The following CCDC22 variants were observed in gnomAD, a reference collection of about 807,000 sequenced individuals.
CCDC22 encodes the protein CCC complex scaffolding subunit CCDC22.
CCDC22 carries 4 observed loss-of-function variants against 53.1 expected under a neutral mutation model. That is an observed-to-expected ratio of 0.08 (90% CI 0.04 to 0.17). The LOEUF (loss-of-function observed/expected upper bound fraction) is 0.17, where lower values mean the gene tolerates loss of function less well. Ranked by LOEUF, CCDC22 falls within the 10% of genes least tolerant of loss-of-function variation. The pLI, the probability that CCDC22 is intolerant of heterozygous loss-of-function variation, is 1.00. For missense variants in CCDC22, 458 were observed against 554.0 expected, an observed-to-expected ratio of 0.83 and a Z score of 1.74; for synonymous variants, 222 against 224.4, an observed-to-expected ratio of 0.99 and a Z score of 0.10.
rs868939480 is a variant in CCDC22 at position 49,248,872 on chromosome X, G to A, written c.1487G>A (p.Arg496His). 1.1e-5 allele frequency: 13 copies of A among 1,210,753 alleles called. No individual in the cohort carries two copies. The highest frequency in any genetic ancestry group is 1.5e-5 in the Non-Finnish European group (13 of 895,229). Residue 496 changes from arginine (R) to histidine (H), a missense_variant, in exon 13 of 17, where the codon CGC becomes CAC. By Grantham distance (29) the Arg-to-His change is conservative. Coordinates refer to ENST00000376227, the MANE Select transcript of CCDC22 (RefSeq NM_014008.5). Reference protein sequence around the residue: ...RDVSRLAYTQRILEIVGNIRK... With the variant: ...RDVSRLAYTQHILEIVGNIRK... ...GTGTCCCGGCTGGCCTACACCCAGC[G>A]CATCCTGGAGATCGTGGGCAACATC...
intron 6 of CCDC22, 149 bp from the exon 7 acceptor site, chrX:49,246,582 G>C: frequency 4.6e-6 from 2 of 432,389 alleles, no homozygotes; most frequent in Non-Finnish European, 3.9e-6. Context: ...TGGAGCAGGA[G>C]AGTAGAGCAG....
chrX:49,249,964 G>C (rs2066016947), intron 16 of CCDC22, among the ~76,000 whole-genome samples, 184 bp from the exon 17 acceptor site: 2 of 112,817 alleles, frequency 1.8e-5, no homozygotes, highest in South Asian at 7.2e-4. Flanking sequence ...GATGTAGGGG[G>C]AATCCTGCCA....
At chrX:49,235,826 TACACACACAC>T (rs797042658) in intron 1 of CCDC22, 140 bp downstream of exon 1, 85 of 243,274 alleles carry the variant, frequency 3.5e-4, no homozygotes, top group African/African-American at 2.5e-3. Flanking sequence ...CTCACCCCCT[TACACACACAC>T]ACACACACAC....
At chrX:49,249,615 G>GGGGT in intron 15 of CCDC22, 36 bp from the exon 16 acceptor site, 2 of 406,828 alleles carry the variant, frequency 4.9e-6, no homozygotes, top group Non-Finnish European at 4.5e-6. Flanking sequence ...GGGTGGGTGG[G>GGGGT]ACTGGGTGCA....
At position 49,246,778 on chromosome X, in the gene CCDC22, G is replaced by A. The variant is rs782623267; in HGVS notation, c.762G>A (p.Glu254=). Reference sequence around the variant, plus strand: ...AGCGGCTGCAAAAGCAACTGACTGAGCATCTGCGCCAAAGCTGGGGCCTGC... The same window carrying A: ...AGCGGCTGCAAAAGCAACTGACTGAACATCTGCGCCAAAGCTGGGGCCTGC... ...QRQRLQKQLT[E]HLRQSWGLLG... Residue 254 remains glutamate, a synonymous_variant, in exon 7 of 17, where the codon GAG becomes GAA. Transcript: ENST00000376227. The A allele has an allele frequency of 8.4e-7, 1 of 1,185,245 alleles. No individual in the cohort carries two copies. The highest frequency in any genetic ancestry group is 1.9e-5 in the South Asian group (1 of 52,946).
At chrX:49,241,486 C>CA (rs386416987) in intron 2 of CCDC22, among the ~76,000 whole-genome samples, 1,641 of 66,587 alleles carry the variant, frequency 0.025, 46 homozygotes, top group African/African-American at 0.079. Flanking sequence ...GACCCTGTCT[C>CA]AAAAAAAAAA....
At chrX:49,248,976 G>A in intron 13 of CCDC22, 52 bp downstream of exon 13, 1 of 1,184,739 alleles carries the variant, frequency 8.4e-7, no homozygotes, top group Non-Finnish European at 1.1e-6. Flanking sequence ...CAGGCATAGT[G>A]TGGCCGCACA....
chrX:49,236,006 A>G (rs1215941659), intron 1 of CCDC22, among the ~76,000 whole-genome samples: 1 of 108,570 alleles, frequency 9.2e-6, no homozygotes, highest in African/African-American at 3.4e-5. Flanking sequence ...GGAACCCTGT[A>G]ATCTGGGGAA....
intron 3 of CCDC22, among the ~76,000 whole-genome samples, 198 bp from the exon 4 acceptor site, chrX:49,242,688 G>A (rs2065969823): frequency 9.0e-6 from 1 of 111,197 alleles, no homozygotes. Flanking sequence ...TTTGTTCCAC[G>A]AAGTAGCCCT....
intron 2 of CCDC22, among the ~76,000 whole-genome samples, chrX:49,239,602 CTG>C (rs1341010217): frequency 1.8e-5 from 2 of 110,371 alleles, no homozygotes; most frequent in Non-Finnish European, 3.8e-5. Flanking sequence ...TATGCAGTCT[CTG>C]TCTCTTAGCA....
At chrX:49,239,088 C>T (rs781812648) in intron 2 of CCDC22, among the ~76,000 whole-genome samples, 43 of 111,235 alleles carry the variant, frequency 3.9e-4, no homozygotes, top group Non-Finnish European at 6.0e-4. Context: ...CAGCAATTCT[C>T]CTGCCTCAGC....
Position 49,247,688 on chromosome X carries a change from C to A in CCDC22, c.1012C>A (p.Arg338=). Residue 338 remains arginine (R), a synonymous_variant, in exon 9 of 17, where the codon CGG becomes AGG. Coordinates refer to ENST00000376227, the MANE Select transcript of CCDC22 (RefSeq NM_014008.5). ...TCAGGAACAGGAGCTCGAGTCCCTTCGGGAGCAGCTGGAAGGAGTGAACCG... is the reference window on the plus strand; with the variant it reads ...TCAGGAACAGGAGCTCGAGTCCCTTAGGGAGCAGCTGGAAGGAGTGAACCG... ...AAQEQELESL[R]EQLEGVNRSI... 1 of 1,204,273 alleles carries A rather than the reference C, an allele frequency of 8.3e-7. No homozygotes were observed. The highest frequency in any genetic ancestry group is 1.8e-5 in the South Asian group (1 of 55,681).
At chrX:49,235,857 ACACACACG>A (rs1280376973) in intron 1 of CCDC22, among the ~76,000 whole-genome samples, 171 bp downstream of exon 1, 10 of 103,907 alleles carry the variant, frequency 9.6e-5, no homozygotes, top group African/African-American at 2.8e-4. Flanking sequence ...ACACACACAC[ACACACACG>A]CACACACACA....
chrX:49,237,830 G>T (rs997597905), intron 2 of CCDC22, among the ~76,000 whole-genome samples: 1 of 104,972 alleles, frequency 9.5e-6, no homozygotes, highest in Non-Finnish European at 2.0e-5. Context: ...TGCGATCTTG[G>T]CTCACTGCAA....
intron 2 of CCDC22, 44 bp from the exon 3 acceptor site, chrX:49,241,972 G>C: frequency 8.3e-7 from 1 of 1,204,989 alleles, no homozygotes; most frequent in Non-Finnish European, 1.1e-6. Context: ...TCCCAGGGCA[G>C]GAGGACCCTG....
chrX:49,243,509 G>A (rs1201738403), intron 6 of CCDC22, 47 bp downstream of exon 6: 34 of 1,016,048 alleles, frequency 3.3e-5, no homozygotes, highest in Non-Finnish European at 4.0e-5. Flanking sequence ...GCTGCTCACT[G>A]ACACTCCCGC....
At position 49,243,001 on chromosome X, in the gene CCDC22, CCT is replaced by C. The variant is rs782274320; in HGVS notation, c.468+10_468+11del. 9 of 1,136,126 alleles carry C rather than the reference CCT, an allele frequency of 7.9e-6. No individual in the cohort carries two copies. In the South Asian group the frequency reaches 1.9e-4, roughly 24 times the overall value. The allele number at this position is 1,136,126 out of a possible 1,213,427, so 93.6% of individuals were successfully genotyped here. On this transcript the variant is annotated intron_variant, in intron 4 of 16. Coordinates refer to ENST00000376227, the MANE Select transcript of CCDC22 (RefSeq NM_014008.5). ...AGCTGCAGCACCTCCAGGTGAGACCCCTGACTCCCATGGATCTTCTCTTGTCC... is the reference window on the plus strand; with the variant it reads ...AGCTGCAGCACCTCCAGGTGAGACCCGACTCCCATGGATCTTCTCTTGTCC...
chrX:49,247,544 C>A lies in CCDC22; in HGVS notation c.958C>A (p.Arg320=), dbSNP rs782516916. The A allele has an allele frequency of 1.7e-6, 2 of 1,198,752 alleles. No homozygotes were observed. The highest frequency in any genetic ancestry group is 2.2e-6 in the Non-Finnish European group (2 of 889,158). The change falls in exon 8 of 17, where the codon CGG becomes AGG. Residue 320 remains arginine (R), a synonymous_variant. Transcript: ENST00000376227. ...TQVSDVPATS[R]RPEQVTWAAQ... is the part of the protein sequence containing the mutation. ...GGTGTCAGATGTGCCAGCCACCTCC[C>A]GGCGGCCTGAACAGGTGAGCAGAGT...
intron 2 of CCDC22, among the ~76,000 whole-genome samples, chrX:49,239,634 C>T (rs868981778): frequency 7.2e-5 from 8 of 110,457 alleles, no homozygotes; most frequent in Admixed American, 2.9e-4. Context: ...AGAGCTCCAT[C>T]CATCCCTTCG....
Sources: gnomAD v4.1 joint callset for allele counts (sites outside exome capture counted in the v4.1 genomes callset) on GRCh38, gnomAD v4.1.1 for gene constraint, MANE v1.5 for transcripts, NCBI Gene and HGNC (gene_info 2026-07-23, HGNC 2026-07-21) for gene names.